Variants in LRBA observed in about 807,000 individuals in gnomAD.
LRBA encodes the protein lipopolysaccharide-responsive and beige-like anchor protein.
Under a neutral mutation model 330.0 loss-of-function variants are expected in LRBA, and 176 were observed. The ratio of observed to expected loss-of-function variants is 0.53; its 90% CI spans 0.47 to 0.60. The LOEUF (loss-of-function observed/expected upper bound fraction) is 0.60, where lower values mean the gene tolerates loss of function less well. Among genes scored for constraint, LRBA ranks in the 20% least tolerant of loss-of-function variants. The pLI, the probability that LRBA is intolerant of heterozygous loss-of-function variation, is 0.00. For synonymous variants in LRBA, 1,230 were observed against 1,193.0 expected, an observed-to-expected ratio of 1.03 and a Z score of -0.64; for missense variants, 3,259 against 3,444.8, an observed-to-expected ratio of 0.95 and a Z score of 1.35.
chr4:150,565,407 C>A (rs1259280227), intron 40 of LRBA, among the ~76,000 whole-genome samples: 1 of 151,968 alleles, frequency 6.6e-6, no homozygotes, highest in Non-Finnish European at 1.5e-5. Flanking sequence ...GGCTTAAAAC[C>A]TAGGTGATGG....
In LRBA at chr4:150,928,522, T is replaced by C. The variant is rs1469826480; in HGVS notation, c.543A>G (p.Gly181=). The change falls in exon 4 of 57, where the codon GGA becomes GGG. Residue 181 remains glycine, a synonymous_variant. Coordinates refer to ENST00000651943, the MANE Select transcript of LRBA (RefSeq NM_001364905.1). ...AGTACTTAAGTTTTTTTACCCATCG[T>C]CCTTTATCTCCTTGAAGTTTACTGA... ...LFFSKLQGDK[G]RWPPHAGKLL... 4 of 1,611,808 alleles carry C rather than the reference T, an allele frequency of 2.5e-6. No individual in the cohort carries two copies.
At chr4:150,870,708 C>T in intron 19 of LRBA, 102 bp from the exon 20 acceptor site, 1 of 631,536 alleles carries the variant, frequency 1.6e-6, no homozygotes, top group East Asian at 2.7e-5. Flanking sequence ...AAGTACAACA[C>T]TAATCAAAAT....
chr4:150,540,037 A>C (rs1384029585), intron 40 of LRBA, among the ~76,000 whole-genome samples: 2 of 152,210 alleles, frequency 1.3e-5, no homozygotes, highest in Non-Finnish European at 2.9e-5. Flanking sequence ...AATAGCTTTT[A>C]AATTAAATCA....
chr4:150,442,828 G>T (rs1752010185), intron 44 of LRBA, among the ~76,000 whole-genome samples: 1 of 152,034 alleles, frequency 6.6e-6, no homozygotes, highest in African/African-American at 2.4e-5. Context: ...CAAATTCAGA[G>T]AATAAAAGAG....
At chr4:150,288,928 G>A (rs1361334845) in intron 53 of LRBA, among the ~76,000 whole-genome samples, 1 of 151,904 alleles carries the variant, frequency 6.6e-6, no homozygotes, top group Non-Finnish European at 1.5e-5. Flanking sequence ...GGCATTCTAA[G>A]TATAAGACAA....
chr4:150,378,586 G>A (rs1235132397), intron 47 of LRBA, among the ~76,000 whole-genome samples: 2 of 152,160 alleles, frequency 1.3e-5, no homozygotes, highest in African/African-American at 2.4e-5. Context: ...GAAACAGCAC[G>A]AGCAACTCAT....
At chr4:150,908,630 T>C (rs199998037) in intron 10 of LRBA, 30 bp downstream of exon 10, 1 of 1,579,854 alleles carries the variant, frequency 6.3e-7, no homozygotes, top group East Asian at 2.2e-5. Flanking sequence ...ATTACCATTA[T>C]AAATGTTCTT....
intron 37 of LRBA, among the ~76,000 whole-genome samples, chr4:150,675,987 C>T (rs1248456328): frequency 6.6e-6 from 1 of 152,072 alleles, no homozygotes; most frequent in African/African-American, 2.4e-5. Flanking sequence ...TAAGATTGCC[C>T]ATATATTTGC....
intron 40 of LRBA, among the ~76,000 whole-genome samples, chr4:150,505,616 C>G (rs1026535185): frequency 3.3e-5 from 5 of 152,076 alleles, no homozygotes; most frequent in African/African-American, 1.2e-4. Context: ...TAAATGCCCA[C>G]AAGAGAAAGC....
At chr4:150,855,878 C>G (rs1751165262) in intron 22 of LRBA, among the ~76,000 whole-genome samples, 1 of 152,020 alleles carries the variant, frequency 6.6e-6, no homozygotes, top group Non-Finnish European at 1.5e-5. Context: ...CCTGAGCTCC[C>G]AAGAAAAGAC....
chr4:150,526,224 T>C (rs538880711), intron 40 of LRBA, among the ~76,000 whole-genome samples: 1 of 152,328 alleles, frequency 6.6e-6, no homozygotes, highest in Admixed American at 6.5e-5. Flanking sequence ...AAATTCAGAA[T>C]GACAGCTTAC....
intron 36 of LRBA, among the ~76,000 whole-genome samples, chr4:150,695,489 A>T (rs890831444): frequency 1.3e-5 from 2 of 152,112 alleles, no homozygotes; most frequent in Admixed American, 1.3e-4. Flanking sequence ...TGCCCAGCTA[A>T]TATTTTTCTG....
chr4:150,848,352 T>C (rs547439829), intron 26 of LRBA, among the ~76,000 whole-genome samples: 5 of 152,142 alleles, frequency 3.3e-5, no homozygotes, highest in African/African-American at 1.2e-4. Context: ...AACAAGATCA[T>C]CAAATTTATG....
intron 29 of LRBA, 39 bp downstream of exon 29, chr4:150,831,778 T>G: frequency 6.7e-7 from 1 of 1,483,020 alleles, no homozygotes; most frequent in Non-Finnish European, 9.1e-7. Context: ...TAACATTTAT[T>G]TGAACTTTGG....
intron 37 of LRBA, among the ~76,000 whole-genome samples, chr4:150,618,906 A>T (rs943821345): frequency 1.3e-5 from 2 of 151,452 alleles, no homozygotes; most frequent in Middle Eastern, 3.4e-3. Context: ...ATCCTAATTC[A>T]GCAGTTTTAA....
chr4:150,407,234 G>C (rs1746327883), intron 47 of LRBA, among the ~76,000 whole-genome samples: 1 of 152,182 alleles, frequency 6.6e-6, no homozygotes. Context: ...ACATCCTCTG[G>C]ACGAAGTGTG....
chr4:150,683,152 AT>A (rs1285360163), intron 37 of LRBA, among the ~76,000 whole-genome samples: 2 of 152,160 alleles, frequency 1.3e-5, no homozygotes, highest in Admixed American at 6.5e-5. Context: ...TAACTAAAAA[AT>A]ATAAAAAGAG....
intron 29 of LRBA, among the ~76,000 whole-genome samples, chr4:150,828,922 G>GGTGTGTGTGTGTGT (rs753950457): frequency 4.8e-4 from 51 of 106,230 alleles, no homozygotes; most frequent in African/African-American, 1.2e-3. Flanking sequence ...CTTTTTTGGG[G>GGTGTGTGTGTGTGT]GTGTGTGTGT....
intron 2 of LRBA, among the ~76,000 whole-genome samples, chr4:150,931,601 A>C (rs1307131744): frequency 1.7e-5 from 2 of 120,288 alleles, no homozygotes; most frequent in African/African-American, 7.4e-5. Flanking sequence ...CTCCATATTC[A>C]AAAAAAAAAA....
Sources: allele counts gnomAD v4.1 joint callset (sites outside exome capture counted in the v4.1 genomes callset), GRCh38; gene constraint gnomAD v4.1.1; transcripts MANE v1.5; gene names NCBI Gene and HGNC (gene_info 2026-07-23, HGNC 2026-07-21).